Variants in DOK6 observed in about 807,000 individuals in gnomAD.
The protein encoded by DOK6 is downstream of tyrosine kinase 6.
DOK6 carries 22 observed loss-of-function variants against 44.0 expected under a neutral mutation model. The observed-to-expected ratio is 0.50, with a 90% confidence interval of 0.36 to 0.71. The LOEUF (loss-of-function observed/expected upper bound fraction) is 0.71, where lower values mean the gene tolerates loss of function less well. Ranked by LOEUF, DOK6 falls within the 30% of genes least tolerant of loss-of-function variation. The pLI is 0.00. For synonymous variants in DOK6, 166 were observed against 145.5 expected, an observed-to-expected ratio of 1.14 and a Z score of -1.01; for missense variants, 340 against 416.4, an observed-to-expected ratio of 0.82 and a Z score of 1.60.
Position 69,677,729 on chromosome 18 carries a change from T to C in DOK6, c.290-5T>C, listed in dbSNP as rs1486667246. 6.2e-7 allele frequency: 1 copy of C among 1,613,200 alleles called. No individual in the cohort carries two copies. On this transcript the variant is annotated splice_polypyrimidine_tract_variant and splice_region_variant and intron_variant, in intron 3 of 7. Coordinates refer to ENST00000382713, the MANE Select transcript of DOK6 (RefSeq NM_152721.6). ...CTTGACTGGTGATGTTGTGGTTACT[T>C]TCAGAGCTGGAGGCCGAGGAGTGGT...
intron 1 of DOK6, among the ~76,000 whole-genome samples, chr18:69,412,389 G>A (rs2122392239): frequency 6.6e-6 from 1 of 152,140 alleles, no homozygotes; most frequent in Non-Finnish European, 1.5e-5. Flanking sequence ...TGACAGTGAA[G>A]AAAAATAATT....
At chr18:69,620,735 C>T (rs973485278) in intron 3 of DOK6, among the ~76,000 whole-genome samples, 5 of 152,128 alleles carry the variant, frequency 3.3e-5, no homozygotes, top group Admixed American at 6.5e-5. Context: ...GCATTATTAA[C>T]GTACTTGTAA....
intron 3 of DOK6, among the ~76,000 whole-genome samples, chr18:69,619,919 T>G (rs1186311458): frequency 6.6e-6 from 1 of 152,208 alleles, no homozygotes; most frequent in African/African-American, 2.4e-5. Flanking sequence ...GATTGTGTCT[T>G]GGTAAGAAAA....
chr18:69,410,174 G>A (rs1187479010), intron 1 of DOK6, among the ~76,000 whole-genome samples: 1 of 152,188 alleles, frequency 6.6e-6, no homozygotes, highest in African/African-American at 2.4e-5. Flanking sequence ...AACACATTCC[G>A]TTGTTTTCTG....
At chr18:69,728,867 C>A (rs1349545497) in intron 5 of DOK6, among the ~76,000 whole-genome samples, 1 of 152,088 alleles carries the variant, frequency 6.6e-6, no homozygotes, top group African/African-American at 2.4e-5. Context: ...GAAGAAACTT[C>A]TTCATTTAAA....
At chr18:69,507,760 A>C (rs1981236223) in intron 1 of DOK6, among the ~76,000 whole-genome samples, 1 of 152,078 alleles carries the variant, frequency 6.6e-6, no homozygotes, top group African/African-American at 2.4e-5. Context: ...TTAGTTCTAG[A>C]AAGTTCATGC....
At chr18:69,654,231 G>A (rs1396768832) in intron 3 of DOK6, among the ~76,000 whole-genome samples, 1 of 152,184 alleles carries the variant, frequency 6.6e-6, no homozygotes, top group Non-Finnish European at 1.5e-5. Flanking sequence ...TAACATACTT[G>A]TAATTGGAGT....
At chr18:69,675,219 T>A (rs1985893154) in intron 3 of DOK6, among the ~76,000 whole-genome samples, 1 of 152,108 alleles carries the variant, frequency 6.6e-6, no homozygotes, top group Non-Finnish European at 1.5e-5. Context: ...CATAGAAGCC[T>A]TTTACTGTAT....
At chr18:69,594,894 T>C (rs1030184833) in intron 2 of DOK6, among the ~76,000 whole-genome samples, 6 of 151,934 alleles carry the variant, frequency 3.9e-5, no homozygotes, top group Non-Finnish European at 8.8e-5. Context: ...GATTTAGATA[T>C]GATAAATTCA....
At chr18:69,660,999 A>G (rs193265794) in intron 3 of DOK6, 15 of 152,280 alleles carry the variant, frequency 9.9e-5, no homozygotes, top group African/African-American at 3.6e-4. Flanking sequence ...CTTTGATTAC[A>G]AATTCAACTG....
At chr18:69,656,336 C>A (rs1222184053) in intron 3 of DOK6, among the ~76,000 whole-genome samples, 1 of 152,066 alleles carries the variant, frequency 6.6e-6, no homozygotes, top group Non-Finnish European at 1.5e-5. Context: ...AAAACATATT[C>A]TTTAGGAAGA....
At chr18:69,521,355 C>A (rs1299903404) in intron 1 of DOK6, among the ~76,000 whole-genome samples, 1 of 151,326 alleles carries the variant, frequency 6.6e-6, no homozygotes, top group African/African-American at 2.4e-5. Flanking sequence ...AAGAACCAAT[C>A]AAATCAAGTG....
At chr18:69,702,336 G>A (rs1986541767) in intron 5 of DOK6, among the ~76,000 whole-genome samples, 1 of 151,988 alleles carries the variant, frequency 6.6e-6, no homozygotes, top group African/African-American at 2.4e-5. Flanking sequence ...AGACAACAAG[G>A]TCTCGTGTTT....
At chr18:69,528,119 T>C (rs967854269) in intron 1 of DOK6, among the ~76,000 whole-genome samples, 19 of 141,158 alleles carry the variant, frequency 1.3e-4, no homozygotes, top group East Asian at 4.1e-4. Flanking sequence ...TCCGAGATAG[T>C]GCCACTGCAG....
intron 5 of DOK6, among the ~76,000 whole-genome samples, chr18:69,716,562 T>A (rs1289813630): frequency 1.3e-5 from 2 of 152,158 alleles, no homozygotes; most frequent in Non-Finnish European, 2.9e-5. Flanking sequence ...TACACACTGC[T>A]TTTCCTGTGC....
intron 3 of DOK6, among the ~76,000 whole-genome samples, chr18:69,630,270 A>T (rs956422679): frequency 1.3e-5 from 2 of 152,188 alleles, no homozygotes; most frequent in African/African-American, 2.4e-5. Flanking sequence ...TTTACATGTG[A>T]TGTTTCAAAA....
At chr18:69,599,801 G>T (rs1983831081) in intron 3 of DOK6, among the ~76,000 whole-genome samples, 1 of 152,102 alleles carries the variant, frequency 6.6e-6, no homozygotes. Flanking sequence ...CCAATATTCT[G>T]GTTCTTGCTC....
chr18:69,737,372 C>T (rs190900704), intron 5 of DOK6, among the ~76,000 whole-genome samples: 10 of 152,184 alleles, frequency 6.6e-5, no homozygotes, highest in Admixed American at 2.6e-4. Context: ...TCAGATCTCG[C>T]GAGAACTCGT....
chr18:69,598,674 G>A (rs1335486393), intron 2 of DOK6, among the ~76,000 whole-genome samples: 1 of 152,044 alleles, frequency 6.6e-6, no homozygotes, highest in Non-Finnish European at 1.5e-5. Flanking sequence ...GTTTGTTTCT[G>A]TTGACTGCGG....
Sources: gnomAD v4.1 joint callset for allele counts (sites outside exome capture counted in the v4.1 genomes callset) on GRCh38, gnomAD v4.1.1 for gene constraint, MANE v1.5 for transcripts, NCBI Gene and HGNC (gene_info 2026-07-23, HGNC 2026-07-21) for gene names.